Variants in CASK observed in about 807,000 individuals in gnomAD.
CASK encodes calcium/calmodulin dependent serine protein kinase.
Under a neutral mutation model 82.9 loss-of-function variants are expected in CASK, and 4 were observed. That is an observed-to-expected ratio of 0.05 (90% CI 0.02 to 0.11). The LOEUF (loss-of-function observed/expected upper bound fraction) is 0.11, where lower values mean the gene tolerates loss of function less well. Among genes scored for constraint, CASK ranks in the 10% least tolerant of loss-of-function variants. CASK has a pLI of 1.00. For missense variants in CASK, 358 were observed against 720.9 expected (o/e 0.50, Z 5.76); for synonymous variants, 259 against 253.5 (o/e 1.02, Z -0.20).
chrX:41,726,868 G>C, intron 5 of CASK: 1 of 341,035 alleles, frequency 2.9e-6, no homozygotes. Context: ...ATACTTTCCC[G>C]TTCCATCCAA....
chrX:41,580,324 G>T (rs887878717), intron 14 of CASK, among the ~76,000 whole-genome samples: 1 of 111,502 alleles, frequency 9.0e-6, no homozygotes, highest in African/African-American at 3.3e-5. Context: ...GGGACCACAG[G>T]CATGTGCCAC....
chrX:41,786,238 A>G (rs775775194), intron 3 of CASK, among the ~76,000 whole-genome samples: 8 of 111,752 alleles, frequency 7.2e-5, no homozygotes, highest in Non-Finnish European at 1.3e-4. Context: ...AGAGACTAAG[A>G]TAATAAATGT....
In CASK at chrX:41,557,032, C is replaced by T. The variant is rs780024880; in HGVS notation, c.1806G>A (p.Ser602=). The part of the protein sequence containing the change: ...NGHSSTNNSV[S]DLPSTTQPKG... ...TGCTGTGTGGAGCTAAAGTTCTTAC[C>T]GAAACAGAATTGTTAGTGCTGCTAT... Residue 602 remains serine (S), a splice_region_variant and synonymous_variant, in exon 19 of 27, where the codon TCG becomes TCA. Transcript: ENST00000378163. 3 of 1,206,300 alleles carry T rather than the reference C, an allele frequency of 2.5e-6. No individual in the cohort carries two copies. Among genetic ancestry groups the T allele is most frequent in the South Asian group, 1.8e-5 (1 of 56,856 alleles).
intron 2 of CASK, among the ~76,000 whole-genome samples, chrX:41,792,554 T>A (rs1384039222): frequency 4.5e-5 from 5 of 111,151 alleles, no homozygotes; most frequent in African/African-American, 1.6e-4. Flanking sequence ...ACTTCCAAAG[T>A]GTTAGGATTA....
Position 41,888,745 on chromosome X carries a change from ATATATG to A in CASK, c.59+34179_59+34184del, listed in dbSNP as rs1338444054. 1.8e-4 allele frequency among the ~76,000 whole-genome samples: 18 copies of A among 100,067 alleles called. No individual in the cohort carries two copies. In the East Asian group the frequency reaches 2.9e-3, roughly 16 times the overall value. 86.9% of individuals were successfully genotyped at this position (100,067 alleles called of 115,157 possible). A position where few individuals can be genotyped will look rare whatever the true frequency, so the allele number is the denominator to read the frequency against. ...TGTGAATATATGTATATATATACATATATATGTATATGTATGTGTATATATGTATAT... is the reference window on the plus strand; with the variant it reads ...TGTGAATATATGTATATATATACATATATATGTATGTGTATATATGTATAT... On this transcript the variant is annotated intron_variant, in intron 1 of 26. Coordinates refer to ENST00000378163, the MANE Select transcript of CASK (RefSeq NM_001367721.1).
intron 1 of CASK, among the ~76,000 whole-genome samples, chrX:41,874,145 A>T (rs1003994613): frequency 9.2e-6 from 1 of 108,800 alleles, no homozygotes; most frequent in Non-Finnish European, 1.9e-5. Context: ...GCACCAATCT[A>T]ATAGTCTGTT....
intron 3 of CASK, among the ~76,000 whole-genome samples, chrX:41,745,922 G>A (rs759097069): frequency 9.0e-6 from 1 of 111,568 alleles, no homozygotes; most frequent in Admixed American, 9.5e-5. Context: ...CTAGGGTTGT[G>A]TGCATATTTT....
chrX:41,893,034 T>C (rs1019704945), intron 1 of CASK, among the ~76,000 whole-genome samples: 1 of 112,092 alleles, frequency 8.9e-6, no homozygotes, highest in African/African-American at 3.2e-5. Context: ...TTAGTTATAA[T>C]GAGTTATCAA....
chrX:41,763,789 T>C (rs753160363), intron 3 of CASK, among the ~76,000 whole-genome samples: 11 of 112,404 alleles, frequency 9.8e-5, no homozygotes, highest in Non-Finnish European at 1.9e-4. Flanking sequence ...ACCTCCTCTA[T>C]GACGGCTCTT....
intron 8 of CASK, among the ~76,000 whole-genome samples, chrX:41,658,669 G>T: frequency 9.0e-6 from 1 of 111,560 alleles, no homozygotes; most frequent in East Asian, 2.8e-4. Flanking sequence ...AGTAGGATCT[G>T]AGAAGGAGCA....
intron 17 of CASK, among the ~76,000 whole-genome samples, chrX:41,561,133 G>A (rs1347384247): frequency 2.7e-5 from 3 of 111,058 alleles, no homozygotes; most frequent in Non-Finnish European, 3.8e-5. Flanking sequence ...CTGGTCTACC[G>A]TGGCTTTCCT....
At chrX:41,608,844 C>G (rs754434416) in intron 12 of CASK, among the ~76,000 whole-genome samples, 5 of 111,620 alleles carry the variant, frequency 4.5e-5, no homozygotes, top group Non-Finnish European at 9.4e-5. Context: ...ATCTCATTTG[C>G]TTTTCTCTCT....
At chrX:41,911,782 C>G (rs1431590120) in intron 1 of CASK, among the ~76,000 whole-genome samples, 4 of 111,668 alleles carry the variant, frequency 3.6e-5, no homozygotes, top group African/African-American at 1.3e-4. Context: ...TTTCACAACA[C>G]TACGGAATTA....
chrX:41,655,521 G>A (rs1395083864), intron 8 of CASK, among the ~76,000 whole-genome samples: 1 of 111,766 alleles, frequency 8.9e-6, no homozygotes, highest in East Asian at 2.8e-4. Context: ...ATTCAAATGG[G>A]GATGGCAGCG....
intron 5 of CASK, among the ~76,000 whole-genome samples, chrX:41,702,804 A>C (rs1297997567): frequency 1.8e-5 from 2 of 112,243 alleles, no homozygotes; most frequent in Admixed American, 9.4e-5. Flanking sequence ...AAACAAAAAC[A>C]AAAACAAAAA....
intron 5 of CASK, among the ~76,000 whole-genome samples, chrX:41,732,336 G>T (rs756083151): frequency 1.8e-5 from 2 of 111,142 alleles, no homozygotes; most frequent in African/African-American, 6.5e-5. Flanking sequence ...AACTTAACAG[G>T]GAAGTAAGTT....
chrX:41,724,979 C>G (rs1045596727), intron 5 of CASK, among the ~76,000 whole-genome samples: 8 of 111,844 alleles, frequency 7.2e-5, no homozygotes, highest in African/African-American at 2.6e-4. Flanking sequence ...TAAACTGGCT[C>G]ATTTCACTGT....
chrX:41,848,121 C>A (rs2071194507), intron 2 of CASK, among the ~76,000 whole-genome samples: 1 of 112,505 alleles, frequency 8.9e-6, no homozygotes, highest in African/African-American at 3.2e-5. Flanking sequence ...ATCTATGCCT[C>A]AGGCAGCAAT....
chrX:41,743,163 G>T (rs767641526), intron 4 of CASK, among the ~76,000 whole-genome samples: 32 of 111,609 alleles, frequency 2.9e-4, no homozygotes, highest in African/African-American at 8.8e-4. Flanking sequence ...AAGCAATAAA[G>T]ATGACTGGGG....
Sources: gnomAD v4.1 joint callset for allele counts (sites outside exome capture counted in the v4.1 genomes callset) on GRCh38, gnomAD v4.1.1 for gene constraint, MANE v1.5 for transcripts, NCBI Gene and HGNC (gene_info 2026-07-23, HGNC 2026-07-21) for gene names.